TCF7L2: variants seen among roughly 807,000 people sequenced by gnomAD.
The protein encoded by TCF7L2 is transcription factor 7 like 2, also known as transcription factor 7-like 2.
Under a neutral mutation model 77.9 loss-of-function variants are expected in TCF7L2, and 23 were observed. That is an observed-to-expected ratio of 0.30 (90% CI 0.21 to 0.42). The LOEUF (loss-of-function observed/expected upper bound fraction) is 0.42. Ranked by LOEUF, TCF7L2 falls within the 10% of genes least tolerant of loss-of-function variation. The probability of loss-of-function intolerance (pLI) is 1.00; values close to 1 mark genes in which losing one functional copy is unlikely to be tolerated. For synonymous variants in TCF7L2, 413 were observed against 340.2 expected (o/e 1.21, Z -2.36); for missense variants, 654 against 793.1 (o/e 0.82, Z 2.11).
intron 5 of TCF7L2, among the ~76,000 whole-genome samples, chr10:113,077,762 A>G (rs899054345): frequency 2.1e-5 from 3 of 146,060 alleles, no homozygotes; most frequent in African/African-American, 7.6e-5. Flanking sequence ...GTGCAGTGGC[A>G]TATCTCGGCT....
intron 8 of TCF7L2, among the ~76,000 whole-genome samples, chr10:113,148,018 G>GTA (rs2069869173): frequency 6.6e-6 from 1 of 152,190 alleles, no homozygotes; most frequent in East Asian, 1.9e-4. Context: ...GGCGACAGAA[G>GTA]TATAGGTCTA....
chr10:112,954,226 G>A (rs1221864679), intron 3 of TCF7L2, among the ~76,000 whole-genome samples: 1 of 152,146 alleles, frequency 6.6e-6, no homozygotes, highest in Non-Finnish European at 1.5e-5. Flanking sequence ...AAATTTCGCT[G>A]TATGCTTTAT....
intron 3 of TCF7L2, among the ~76,000 whole-genome samples, chr10:112,953,460 C>G (rs2134269469): frequency 6.6e-6 from 1 of 152,232 alleles, no homozygotes; most frequent in Non-Finnish European, 1.5e-5. Context: ...GCAGTGTTCG[C>G]CTACCAATAA....
At chr10:113,002,528 C>A (rs1361203777) in intron 4 of TCF7L2, among the ~76,000 whole-genome samples, 1 of 152,074 alleles carries the variant, frequency 6.6e-6, no homozygotes, top group Non-Finnish European at 1.5e-5. Flanking sequence ...AGTGGAGAAG[C>A]CCTGGCTGTG....
rs1225565705 is a variant in TCF7L2, at chr10:112,980,783, C to T, written c.450+16159C>T. 6.6e-5 allele frequency among the ~76,000 whole-genome samples: 10 copies of T among 152,064 alleles called. No individual in the cohort carries two copies. In the East Asian group the frequency reaches 9.6e-4, roughly 15 times the overall value. The stretch of plus-strand genomic sequence containing the variant: ...CTGGGACTACAGGCATCCACCACCA[C>T]GCCCGGCTAATTTTTTGTATTTTTA... On this transcript the variant is annotated intron_variant, in intron 4 of 13. Coordinates refer to ENST00000627217, the MANE Select transcript of TCF7L2 (RefSeq NM_001146274.2).
At chr10:113,103,925 GTAGCTGGGACTCTTGGTTTCT>G (rs1320880576) in intron 5 of TCF7L2, among the ~76,000 whole-genome samples, 3 of 152,336 alleles carry the variant, frequency 2.0e-5, no homozygotes, top group Admixed American at 2.0e-4. Context: ...CTGGGTCAGT[GTAGCTGGGACTCTTGGTTTCT>G]TAGCACTGTG....
At chr10:113,049,729 T>TC (rs530919344) in intron 5 of TCF7L2, among the ~76,000 whole-genome samples, 49 of 151,924 alleles carry the variant, frequency 3.2e-4, no homozygotes, top group African/African-American at 9.4e-4. Context: ...CTGGAAAGAG[T>TC]CCCAAAGCAG....
At chr10:113,142,847 A>C (rs1211818565) in intron 6 of TCF7L2, among the ~76,000 whole-genome samples, 2 of 152,234 alleles carry the variant, frequency 1.3e-5, no homozygotes, top group Non-Finnish European at 2.9e-5. Context: ...TTCCTCTGCG[A>C]ACATTCTTTC....
chr10:113,148,063 C>T (rs2069885397), intron 8 of TCF7L2, among the ~76,000 whole-genome samples: 1 of 152,214 alleles, frequency 6.6e-6, no homozygotes, highest in Non-Finnish European at 1.5e-5. Flanking sequence ...ATGTAGGCAG[C>T]TTGCCCTGTT....
chr10:113,134,962 G>A (rs1256416299), intron 5 of TCF7L2, among the ~76,000 whole-genome samples: 1 of 152,236 alleles, frequency 6.6e-6, no homozygotes, highest in Non-Finnish European at 1.5e-5. Flanking sequence ...GTATTGAAGA[G>A]GAGGGCCAAG....
At chr10:113,107,599 C>T (rs1255206995) in intron 5 of TCF7L2, among the ~76,000 whole-genome samples, 2 of 151,444 alleles carry the variant, frequency 1.3e-5, no homozygotes, top group Non-Finnish European at 2.9e-5. Context: ...AAAAATTAGC[C>T]GGGCGTGGTG....
intron 5 of TCF7L2, among the ~76,000 whole-genome samples, chr10:113,098,068 A>G (rs980206091): frequency 1.4e-4 from 21 of 151,006 alleles, no homozygotes; most frequent in Non-Finnish European, 2.7e-4. Flanking sequence ...AAAAAAAAAA[A>G]AAAAAGAAGA....
intron 6 of TCF7L2, among the ~76,000 whole-genome samples, chr10:113,142,446 G>A (rs118025036): frequency 2.6e-5 from 4 of 152,338 alleles, no homozygotes; most frequent in Non-Finnish European, 5.9e-5. Context: ...GAACAGGTAA[G>A]GTTAGTGTGT....
chr10:112,982,036 T>C (rs543416054), intron 4 of TCF7L2, among the ~76,000 whole-genome samples: 1 of 152,366 alleles, frequency 6.6e-6, no homozygotes, highest in East Asian at 1.9e-4. Context: ...GTAATACGTC[T>C]GTGGACTATT....
chr10:113,018,690 A>G (rs2047762736), intron 4 of TCF7L2, among the ~76,000 whole-genome samples: 2 of 151,364 alleles, frequency 1.3e-5, no homozygotes, highest in Non-Finnish European at 2.9e-5. Flanking sequence ...TTGGTCTCAA[A>G]CTCCTGACCT....
intron 4 of TCF7L2, among the ~76,000 whole-genome samples, chr10:112,983,453 C>T (rs183912424): frequency 4.1e-4 from 63 of 151,988 alleles, no homozygotes; most frequent in Non-Finnish European, 7.8e-4. Context: ...CCAGCCTGGG[C>T]GACAGAGCGA....
chr10:113,114,591 T>C (rs1289769723), intron 5 of TCF7L2, among the ~76,000 whole-genome samples: 2 of 152,198 alleles, frequency 1.3e-5, no homozygotes. Flanking sequence ...GAAGATAAAT[T>C]GAATTAATAT....
At chr10:113,082,746 C>T (rs2059439226) in intron 5 of TCF7L2, among the ~76,000 whole-genome samples, 2 of 152,042 alleles carry the variant, frequency 1.3e-5, no homozygotes, top group African/African-American at 4.8e-5. Flanking sequence ...CGTAGAGAGT[C>T]AAGGTCCTAA....
chr10:113,063,003 G>A (rs150294622), intron 5 of TCF7L2, among the ~76,000 whole-genome samples: 1 of 152,226 alleles, frequency 6.6e-6, no homozygotes, highest in South Asian at 2.1e-4. Flanking sequence ...TTTTACATTC[G>A]AGGAAGCAAT....
Sources: allele counts gnomAD v4.1 joint callset (sites outside exome capture counted in the v4.1 genomes callset), GRCh38; gene constraint gnomAD v4.1.1; transcripts MANE v1.5; gene names NCBI Gene and HGNC (gene_info 2026-07-23, HGNC 2026-07-21).